PRKN: variants seen among roughly 807,000 people sequenced by gnomAD.
PRKN encodes parkin RBR E3 ubiquitin protein ligase.
A neutral mutation model predicts 59.5 loss-of-function variants in PRKN; 56 were observed. That is an observed-to-expected ratio of 0.94 (90% CI 0.76 to 1.18). PRKN has a LOEUF of 1.18. PRKN is among the 50% of genes most tolerant of loss of function. PRKN has a pLI of 0.00. For missense variants in PRKN, 657 were observed against 596.4 expected (o/e 1.10, Z -1.06); for synonymous variants, 250 against 222.1 (o/e 1.13, Z -1.12).
intron 6 of PRKN, among the ~76,000 whole-genome samples, chr6:161,895,252 G>A (rs909831221): frequency 3.9e-5 from 6 of 152,164 alleles, no homozygotes; most frequent in Non-Finnish European, 8.8e-5. Context: ...ACTGAGCCAG[G>A]AAATTTCTCT....
intron 1 of PRKN, among the ~76,000 whole-genome samples, chr6:162,716,514 C>T (rs1778725878): frequency 6.6e-6 from 1 of 152,178 alleles, no homozygotes; most frequent in Non-Finnish European, 1.5e-5. Context: ...TGGTTATTTG[C>T]TTCCACTTTG....
chr6:162,136,736 T>G (rs1016882605), intron 4 of PRKN, among the ~76,000 whole-genome samples: 1 of 152,160 alleles, frequency 6.6e-6, no homozygotes, highest in Non-Finnish European at 1.5e-5. Context: ...TACAGGAAAC[T>G]TGAGTGGAAA....
At chr6:162,569,115 A>G in intron 1 of PRKN, 3 of 649,784 alleles carry the variant, frequency 4.6e-6, no homozygotes, top group Non-Finnish European at 8.5e-6. Context: ...TAGTATGAGG[A>G]GATCACCCAA....
intron 2 of PRKN, among the ~76,000 whole-genome samples, chr6:162,361,099 T>C (rs1181710883): frequency 6.6e-6 from 1 of 152,164 alleles, no homozygotes; most frequent in Non-Finnish European, 1.5e-5. Context: ...AGACAATCCA[T>C]CTTCTTAGCT....
rs1409945471 is a variant in PRKN, at chr6:161,470,523, A to T, written c.1083+78331T>A. ...CCCAGTCTAACCCTTTGACCCACTC[A>T]AGAGATGTCCTATGTCTTAGAGGGT... On this transcript the variant is annotated intron_variant, in intron 9 of 11. Coordinates refer to ENST00000366898, the MANE Select transcript of PRKN (RefSeq NM_004562.3). The surrounding 1 kb of genome is among the most constrained non-coding windows in gnomAD (Gnocchi z 5.1). 1.3e-5 allele frequency among the ~76,000 whole-genome samples: 2 copies of T among 152,184 alleles called. No homozygotes were observed. Among genetic ancestry groups the T allele is most frequent in the East Asian group, 3.8e-4 (2 of 5,198 alleles).
In PRKN at chr6:161,576,564, C is replaced by T. The variant is rs567785523; in HGVS notation, c.872-7148G>A. Among the ~76,000 whole-genome samples, 1 of 152,286 alleles carries T rather than the reference C, an allele frequency of 6.6e-6. No individual in the cohort carries two copies. The highest frequency in any genetic ancestry group is 6.5e-5 in the Admixed American group (1 of 15,298). On this transcript the variant is annotated intron_variant, in intron 7 of 11. Transcript: ENST00000366898. The surrounding 1 kb of genome is among the most constrained non-coding windows in gnomAD (Gnocchi z 4.6). ...CATTGTGCACCCACTTTGTGCCAGG[C>T]ACTATTACGACACTTGGGTCGCAGC... is the stretch of plus-strand genomic sequence containing the variant.
intron 3 of PRKN, among the ~76,000 whole-genome samples, chr6:162,256,347 T>C (rs1779639402): frequency 6.6e-6 from 1 of 152,202 alleles, no homozygotes; most frequent in African/African-American, 2.4e-5. Context: ...AAATAACACC[T>C]TCTATAAAAT....
intron 2 of PRKN, among the ~76,000 whole-genome samples, chr6:162,316,776 G>C (rs137983101): frequency 6.6e-6 from 1 of 152,036 alleles, no homozygotes; most frequent in Non-Finnish European, 1.5e-5. Context: ...ACATGAATAC[G>C]ACCTCATTCC....
intron 2 of PRKN, among the ~76,000 whole-genome samples, chr6:162,322,795 A>G (rs148716140): frequency 1.3e-5 from 2 of 152,158 alleles, no homozygotes; most frequent in South Asian, 2.1e-4. Context: ...AACTTGATTC[A>G]CAATAGCAAA....
intron 1 of PRKN, among the ~76,000 whole-genome samples, chr6:162,688,111 T>C (rs1777637608): frequency 6.6e-6 from 1 of 152,176 alleles, no homozygotes; most frequent in South Asian, 2.1e-4. Flanking sequence ...TGAAATCAAG[T>C]CATAAGGTAA....
intron 5 of PRKN, among the ~76,000 whole-genome samples, chr6:162,032,369 T>C (rs897767031): frequency 6.6e-6 from 1 of 152,112 alleles, no homozygotes; most frequent in East Asian, 1.9e-4. Context: ...ACCATACCTA[T>C]TTTGTTCTGT....
At chr6:162,046,787 C>G (rs1562481818) in intron 5 of PRKN, among the ~76,000 whole-genome samples, 2 of 152,010 alleles carry the variant, frequency 1.3e-5, no homozygotes, top group African/African-American at 4.8e-5. Flanking sequence ...ATCATTGACA[C>G]TTTTTTCCAT....
intron 2 of PRKN, among the ~76,000 whole-genome samples, chr6:162,369,139 T>C (rs1785613173): frequency 6.6e-6 from 1 of 152,208 alleles, no homozygotes; most frequent in Non-Finnish European, 1.5e-5. Flanking sequence ...AGTTCCCTTA[T>C]ACTTCAGGTT....
Position 161,626,371 on chromosome 6 carries a change from C to T in PRKN, c.872-56955G>A, listed in dbSNP as rs566552730. Among the ~76,000 whole-genome samples, 51 of 152,310 alleles carry T rather than the reference C, an allele frequency of 3.3e-4. No individual in the cohort carries two copies. In the South Asian group the frequency reaches 1.0e-2, roughly 30 times the overall value. Reference sequence around the variant, plus strand: ...GACCGAACTACCACCCATGTGTACACGAACAGGGGCCAGTGACTGATGATG... The same window carrying T: ...GACCGAACTACCACCCATGTGTACATGAACAGGGGCCAGTGACTGATGATG... On this transcript the variant is annotated intron_variant, in intron 7 of 11. Coordinates refer to ENST00000366898, the MANE Select transcript of PRKN (RefSeq NM_004562.3).
At chr6:161,509,601 T>G (rs972969121) in intron 9 of PRKN, among the ~76,000 whole-genome samples, 1 of 146,338 alleles carries the variant, frequency 6.8e-6, no homozygotes, top group Non-Finnish European at 1.5e-5. Context: ...AAAAAAAGGC[T>G]GGGCACGGTG....
At chr6:162,322,121 A>G (rs553866411) in intron 2 of PRKN, among the ~76,000 whole-genome samples, 4 of 152,212 alleles carry the variant, frequency 2.6e-5, no homozygotes, top group African/African-American at 9.6e-5. Context: ...ATTAAAACTA[A>G]TAAGTAAACT....
intron 6 of PRKN, among the ~76,000 whole-genome samples, chr6:161,972,111 C>T (rs1036630271): frequency 6.6e-6 from 1 of 151,928 alleles, no homozygotes; most frequent in Non-Finnish European, 1.5e-5. Flanking sequence ...CCCGTCTCTA[C>T]TAAAAATACA....
intron 9 of PRKN, among the ~76,000 whole-genome samples, chr6:161,510,772 G>C (rs1056167856): frequency 3.3e-5 from 5 of 152,146 alleles, no homozygotes; most frequent in African/African-American, 1.2e-4. Context: ...ATTTGTAAAA[G>C]CAAATGATAG....
chr6:161,715,145 A>G lies in PRKN; in HGVS notation c.871+70627T>C, dbSNP rs144684023. Among the ~76,000 whole-genome samples the G allele has an allele frequency of 4.7e-3, 719 of 152,316 alleles. 7 individuals carry two copies. The highest frequency in any genetic ancestry group is 0.016 in the African/African-American group (679 of 41,580). ...TTTATAACGAAAATGTGCACATTAGACTTTTTTATGGTTTTGCCTTCCTGG... is the reference window on the plus strand; with the variant it reads ...TTTATAACGAAAATGTGCACATTAGGCTTTTTTATGGTTTTGCCTTCCTGG... On this transcript the variant is annotated intron_variant, in intron 7 of 11. Coordinates refer to ENST00000366898, the MANE Select transcript of PRKN (RefSeq NM_004562.3).
Sources: allele counts gnomAD v4.1 joint callset (sites outside exome capture counted in the v4.1 genomes callset), GRCh38; gene constraint gnomAD v4.1.1; non-coding constraint Gnocchi (gnomAD v3.1); transcripts MANE v1.5; gene names NCBI Gene and HGNC (gene_info 2026-07-23, HGNC 2026-07-21).